The following TRABD2B variants were observed in gnomAD, a reference collection of about 807,000 sequenced individuals.
The protein encoded by TRABD2B is TraB domain containing 2B, also known as metalloprotease TIKI2.
In TRABD2B, 14 loss-of-function variants were observed where a neutral mutation model predicts 40.1. The observed-to-expected ratio is 0.35, with a 90% CI of 0.23 to 0.55. TRABD2B has a LOEUF of 0.55. TRABD2B is among the 20% of genes least tolerant of loss of function. TRABD2B has a pLI of 0.90. For missense variants in TRABD2B, 541 were observed against 648.6 expected (o/e 0.83, Z 1.80); for synonymous variants, 263 against 277.0 (o/e 0.95, Z 0.50).
rs529650984 is a variant in TRABD2B, at chr1:47,831,768, C to G, written c.667-30149G>C. ...GCTCCTTGGCCTGGGTGTGTAGTTC[C>G]CACCCACAGCTACTGCAGGACGACT... On this transcript the variant is annotated intron_variant, in intron 2 of 6. Transcript: ENST00000606738. 3.7e-4 allele frequency among the ~76,000 whole-genome samples: 57 copies of G among 152,122 alleles called. 1 individual carries two copies. The South Asian group carries it at 0.011, about 31-fold the overall frequency.
At chr1:47,772,828 C>T (rs958710435) in intron 6 of TRABD2B, among the ~76,000 whole-genome samples, 3 of 152,046 alleles carry the variant, frequency 2.0e-5, no homozygotes, top group Non-Finnish European at 2.9e-5. Context: ...CCCCTAGAAG[C>T]GGCAAGAAAT....
intron 2 of TRABD2B, among the ~76,000 whole-genome samples, chr1:47,936,412 G>T (rs1222918690): frequency 2.0e-5 from 3 of 152,124 alleles, no homozygotes; most frequent in Non-Finnish European, 4.4e-5. Flanking sequence ...GGTGAACAGA[G>T]AACCCAGCAG....
At chr1:47,782,613 G>A (rs1644540352) in intron 4 of TRABD2B, among the ~76,000 whole-genome samples, 1 of 152,316 alleles carries the variant, frequency 6.6e-6, no homozygotes, top group Non-Finnish European at 1.5e-5. Context: ...CAGGAGACCT[G>A]AGCTCATGGA....
At chr1:47,766,955 C>T (rs1259711290) in intron 6 of TRABD2B, among the ~76,000 whole-genome samples, 2 of 152,164 alleles carry the variant, frequency 1.3e-5, no homozygotes, top group Admixed American at 1.3e-4. Flanking sequence ...TGGAAGCTGA[C>T]CTGAGCCCAG....
chr1:47,809,252 C>T (rs1557584155), intron 2 of TRABD2B, among the ~76,000 whole-genome samples: 2 of 152,210 alleles, frequency 1.3e-5, no homozygotes, highest in African/African-American at 4.8e-5. Flanking sequence ...TACTAACACT[C>T]GTCCTTCCCG....
rs555844964 is a variant in TRABD2B at position 47,794,790 on chromosome 1, GTTTTTT to G, written c.814-36_814-31del. On this transcript the variant is annotated intron_variant, in intron 3 of 6. Coordinates refer to ENST00000606738, the MANE Select transcript of TRABD2B (RefSeq NM_001194986.2). ...AAAGGCAAGACAGAGGCTGCCTTCAGTTTTTTTTTTTTTTTTTTTTTTGATAAAGGG... is the reference window on the plus strand; with the variant it reads ...AAAGGCAAGACAGAGGCTGCCTTCAGTTTTTTTTTTTTTTTTGATAAAGGG... 1.0e-4 allele frequency: 115 copies of G among 1,144,958 alleles called. No homozygotes were observed. The East Asian group carries it at 1.6e-3, about 16-fold the overall frequency. 70.9% of individuals were successfully genotyped at this position (1,144,958 alleles called of 1,614,324 possible).
At chr1:47,810,346 A>T (rs996492056) in intron 2 of TRABD2B, among the ~76,000 whole-genome samples, 3 of 152,112 alleles carry the variant, frequency 2.0e-5, no homozygotes, top group African/African-American at 7.2e-5. Flanking sequence ...CTAGGACAAC[A>T]AGTTCGTGCC....
chr1:47,841,051 GAC>G (rs1377604499), intron 2 of TRABD2B, among the ~76,000 whole-genome samples: 1 of 152,170 alleles, frequency 6.6e-6, no homozygotes, highest in African/African-American at 2.4e-5. Flanking sequence ...GGGCAACACT[GAC>G]AGTGTCCTTG....
chr1:47,878,720 A>G (rs980548035), intron 2 of TRABD2B, among the ~76,000 whole-genome samples: 8 of 152,216 alleles, frequency 5.3e-5, no homozygotes, highest in African/African-American at 1.9e-4. Flanking sequence ...AGTTACTGGT[A>G]AGATTTTACT....
At chr1:47,843,829 T>C (rs955307802) in intron 2 of TRABD2B, among the ~76,000 whole-genome samples, 2 of 151,934 alleles carry the variant, frequency 1.3e-5, no homozygotes, top group Admixed American at 1.3e-4. Flanking sequence ...ATGAGTGGGG[T>C]GTGGAGCCTG....
intron 4 of TRABD2B, among the ~76,000 whole-genome samples, 168 bp from the exon 5 acceptor site, chr1:47,778,712 G>A (rs986551440): frequency 1.3e-5 from 2 of 152,320 alleles, no homozygotes; most frequent in African/African-American, 2.4e-5. Flanking sequence ...ACATGGTCCT[G>A]GTGCCACCCT....
At chr1:47,963,278 A>C (rs1645548767) in intron 2 of TRABD2B, among the ~76,000 whole-genome samples, 2 of 152,258 alleles carry the variant, frequency 1.3e-5, no homozygotes, top group Admixed American at 1.3e-4. Context: ...ATACAGCGAC[A>C]GATGGCAGGT....
chr1:47,983,250 T>A (rs995326043), intron 2 of TRABD2B, among the ~76,000 whole-genome samples: 5 of 152,160 alleles, frequency 3.3e-5, no homozygotes, highest in African/African-American at 1.2e-4. Context: ...AAATACTGCA[T>A]GTTCTCACTT....
intron 2 of TRABD2B, among the ~76,000 whole-genome samples, chr1:47,942,061 C>T (rs1557670314): frequency 6.6e-6 from 1 of 152,216 alleles, no homozygotes. Flanking sequence ...TGACTAAACA[C>T]TATTGGAAGA....
chr1:47,819,996 T>C (rs1379419970), intron 2 of TRABD2B: 2 of 152,266 alleles, frequency 1.3e-5, no homozygotes, highest in African/African-American at 4.8e-5. Flanking sequence ...GACTTTAATG[T>C]TAACCCCCTC....
intron 2 of TRABD2B, among the ~76,000 whole-genome samples, chr1:47,858,939 G>A (rs554493214): frequency 6.6e-6 from 1 of 152,208 alleles, no homozygotes; most frequent in South Asian, 2.1e-4. Context: ...TAGTCAAGGT[G>A]GGCAAACCTG....
chr1:47,884,762 C>T lies in TRABD2B; in HGVS notation c.667-83143G>A, dbSNP rs552877312. On this transcript the variant is annotated intron_variant, in intron 2 of 6. Transcript: ENST00000606738. ...TCCCAAGTAGCTGGGACTACAGGTG[C>T]GCGCCACTATGCCCGGCTAATTTTT... 7.5e-4 allele frequency among the ~76,000 whole-genome samples: 114 copies of T among 151,962 alleles called. 1 individual carries two copies. The highest frequency in any genetic ancestry group is 2.5e-3 in the African/African-American group (103 of 41,430).
chr1:47,895,642 A>G, intron 2 of TRABD2B, among the ~76,000 whole-genome samples: 1 of 152,302 alleles, frequency 6.6e-6, no homozygotes, highest in Non-Finnish European at 1.5e-5. Context: ...TGCAGGGCCC[A>G]AGGTGGCAGG....
chr1:47,817,541 T>C (rs1355590670), intron 2 of TRABD2B, among the ~76,000 whole-genome samples: 1 of 152,056 alleles, frequency 6.6e-6, no homozygotes, highest in East Asian at 1.9e-4. Context: ...AGGGAGCTCA[T>C]CACCTGCCTG....
Sources: allele counts gnomAD v4.1 joint callset (sites outside exome capture counted in the v4.1 genomes callset), GRCh38; gene constraint gnomAD v4.1.1; transcripts MANE v1.5; gene names NCBI Gene and HGNC (gene_info 2026-07-23, HGNC 2026-07-21).